The following PLPPR1 variants were observed in gnomAD, a reference collection of about 807,000 sequenced individuals.
The protein encoded by PLPPR1 is phospholipid phosphatase-related protein type 1.
Under a neutral mutation model 33.1 loss-of-function variants are expected in PLPPR1, and 10 were observed. The observed-to-expected ratio is 0.30, with a 90% CI of 0.19 to 0.51. PLPPR1 has a LOEUF of 0.51. Among genes scored for constraint, PLPPR1 ranks in the 20% least tolerant of loss-of-function variants. The pLI is 0.97. For synonymous variants in PLPPR1, 151 were observed against 151.0 expected (o/e 1.00, Z 0.00); for missense variants, 304 against 408.1 (o/e 0.74, Z 2.20).
intron 2 of PLPPR1, among the ~76,000 whole-genome samples, chr9:101,266,829 A>C (rs770454716): frequency 6.6e-5 from 10 of 152,184 alleles, no homozygotes; most frequent in South Asian, 6.2e-4. Flanking sequence ...TTTCCTATGT[A>C]TAAGTTTTTG....
intron 2 of PLPPR1, among the ~76,000 whole-genome samples, chr9:101,196,882 G>A (rs1469191624): frequency 1.3e-5 from 2 of 151,434 alleles, no homozygotes; most frequent in African/African-American, 2.4e-5. Context: ...AAAAAAAATT[G>A]TTAAAGATTT....
intron 2 of PLPPR1, among the ~76,000 whole-genome samples, chr9:101,196,402 T>A (rs1388279322): frequency 6.6e-6 from 1 of 152,192 alleles, no homozygotes; most frequent in Non-Finnish European, 1.5e-5. Context: ...CTCCTAATAA[T>A]CTATCTTACA....
rs577119565 is a variant in PLPPR1 at position 101,136,376 on chromosome 9, C to A, written c.-45-49074C>A. On this transcript the variant is annotated intron_variant, in intron 1 of 7. Transcript: ENST00000374874. Reference sequence around the variant, plus strand: ...TGTACACTAAATCGGAGATCTCTTTCACTGGATATATTTAAACTGGGGGAC... The same window carrying A: ...TGTACACTAAATCGGAGATCTCTTTAACTGGATATATTTAAACTGGGGGAC... Among the ~76,000 whole-genome samples, 16 of 152,290 alleles carry A rather than the reference C, an allele frequency of 1.1e-4. 1 individual carries two copies. In the South Asian group the frequency reaches 3.3e-3, roughly 32 times the overall value.
intron 1 of PLPPR1, among the ~76,000 whole-genome samples, chr9:101,156,552 CAAAAAAAAAAA>C (rs1162056636): frequency 1.4e-5 from 1 of 71,328 alleles, no homozygotes; most frequent in Non-Finnish European, 2.5e-5. Flanking sequence ...ACCCTGTCTC[CAAAAAAAAAAA>C]AAAAAAAAAA....
chr9:101,040,620 C>T (rs1213856502), intron 1 of PLPPR1, among the ~76,000 whole-genome samples: 1 of 152,124 alleles, frequency 6.6e-6, no homozygotes, highest in Admixed American at 6.5e-5. Flanking sequence ...TCTCCCTTTC[C>T]CACCACCACA....
At chr9:101,046,935 C>T (rs777782136) in intron 1 of PLPPR1, among the ~76,000 whole-genome samples, 2 of 152,014 alleles carry the variant, frequency 1.3e-5, no homozygotes, top group Admixed American at 6.5e-5. Context: ...TACTGAAACC[C>T]CCCCTTCTTT....
chr9:101,057,017 C>G (rs1830286084), intron 1 of PLPPR1, among the ~76,000 whole-genome samples: 1 of 152,126 alleles, frequency 6.6e-6, no homozygotes, highest in Non-Finnish European at 1.5e-5. Flanking sequence ...CCCAGCTTTC[C>G]AGGCACAAGA....
At chr9:101,064,426 A>C (rs930780894) in intron 1 of PLPPR1, among the ~76,000 whole-genome samples, 4 of 152,088 alleles carry the variant, frequency 2.6e-5, no homozygotes, top group African/African-American at 9.7e-5. Context: ...GAATGGGGTT[A>C]TGGTCAAATA....
chr9:101,293,580 G>T (rs1828561229), intron 4 of PLPPR1, among the ~76,000 whole-genome samples: 1 of 152,070 alleles, frequency 6.6e-6, no homozygotes, highest in South Asian at 2.1e-4. Context: ...AAATGTAAAA[G>T]ATCAGAAATT....
intron 1 of PLPPR1, among the ~76,000 whole-genome samples, chr9:101,134,385 A>ATTTT (rs34613253): frequency 6.9e-6 from 1 of 145,850 alleles, no homozygotes. Context: ...TAAGAACAGG[A>ATTTT]TTTTTTTTTT....
At chr9:101,211,738 G>T (rs1402219616) in intron 2 of PLPPR1, among the ~76,000 whole-genome samples, 1 of 152,172 alleles carries the variant, frequency 6.6e-6, no homozygotes, top group Non-Finnish European at 1.5e-5. Context: ...TAGTCTTTTG[G>T]ACAGAAGGAG....
Position 101,261,986 on chromosome 9 carries a change from TA to T in PLPPR1, c.64-7883del, listed in dbSNP as rs910602659. ...CACATATACCCCTGAACTTAAAAGTTAAAAAAAAAAAGATATAGCTCTGTAT... is the reference window on the plus strand; with the variant it reads ...CACATATACCCCTGAACTTAAAAGTTAAAAAAAAAAGATATAGCTCTGTAT... On this transcript the variant is annotated intron_variant, in intron 2 of 7. Transcript: ENST00000374874. Among the ~76,000 whole-genome samples the T allele has an allele frequency of 4.3e-3, 627 of 145,752 alleles. 5 individuals carry two copies. Among genetic ancestry groups the T allele is most frequent in the Middle Eastern group, 0.014 (4 of 288 alleles).
At chr9:101,228,158 CAGG>C (rs758152194) in intron 2 of PLPPR1, among the ~76,000 whole-genome samples, 5 of 152,144 alleles carry the variant, frequency 3.3e-5, no homozygotes, top group African/African-American at 7.2e-5. Flanking sequence ...TTATTGCTGT[CAGG>C]AGCACACACA....
At chr9:101,287,736 G>A (rs1025727962) in intron 4 of PLPPR1, among the ~76,000 whole-genome samples, 30 of 152,088 alleles carry the variant, frequency 2.0e-4, no homozygotes, top group African/African-American at 6.8e-4. Context: ...CCTGACCTCA[G>A]GTGATCCACC....
chr9:101,318,941 G>C lies in PLPPR1; in HGVS notation c.945+1445G>C, dbSNP rs1294964936. 3.9e-5 allele frequency among the ~76,000 whole-genome samples: 6 copies of C among 152,110 alleles called. No homozygotes were observed. In the East Asian group the frequency reaches 9.7e-4, roughly 25 times the overall value. ...TTTTCATTAGCATGTCATCTTTTTC[G>C]GGTAGCTGAGCCCGGCTAAAGTGTT... is the stretch of plus-strand genomic sequence containing the variant. On this transcript the variant is annotated intron_variant, in intron 7 of 7. Coordinates refer to ENST00000374874, the MANE Select transcript of PLPPR1 (RefSeq NM_207299.2).
chr9:101,294,106 A>T (rs1403054003), intron 4 of PLPPR1, among the ~76,000 whole-genome samples: 4 of 152,216 alleles, frequency 2.6e-5, no homozygotes, highest in Admixed American at 2.0e-4. Flanking sequence ...GCAATAAAAA[A>T]TGATAAAGGG....
intron 1 of PLPPR1, among the ~76,000 whole-genome samples, chr9:101,071,605 G>GGAGAGAGAGAGAGAGAGAGAGAGAGAGA (rs3080736): frequency 1.7e-4 from 25 of 149,102 alleles, no homozygotes; most frequent in African/African-American, 5.7e-4. Flanking sequence ...GGAGTGAGAA[G>GGAGAGAGAGAGAGAGAGAGAGAGAGAGA]GAGAGAGAGA....
At chr9:101,190,031 A>G (rs1826268889) in intron 2 of PLPPR1, among the ~76,000 whole-genome samples, 1 of 152,028 alleles carries the variant, frequency 6.6e-6, no homozygotes, top group African/African-American at 2.4e-5. Context: ...TTAGGTGTTG[A>G]GAGTATCACT....
chr9:101,083,103 T>C (rs1031154765), intron 1 of PLPPR1, among the ~76,000 whole-genome samples: 1 of 152,096 alleles, frequency 6.6e-6, no homozygotes, highest in Non-Finnish European at 1.5e-5. Flanking sequence ...ACAGCACAGA[T>C]CAGCAAATGA....
Sources: allele counts gnomAD v4.1 joint callset (sites outside exome capture counted in the v4.1 genomes callset), GRCh38; gene constraint gnomAD v4.1.1; transcripts MANE v1.5; gene names NCBI Gene and HGNC (gene_info 2026-07-23, HGNC 2026-07-21).